The following CAMK2D variants were observed in gnomAD, a reference collection of about 807,000 sequenced individuals.
CAMK2D encodes the protein calcium/calmodulin-dependent protein kinase type II subunit delta.
CAMK2D carries 37 observed loss-of-function variants against 84.0 expected under a neutral mutation model. That is an observed-to-expected ratio of 0.44 (90% confidence interval 0.34 to 0.58). The LOEUF (loss-of-function observed/expected upper bound fraction) is 0.58, where lower values mean the gene tolerates loss of function less well. Among genes scored for constraint, CAMK2D ranks in the 20% least tolerant of loss-of-function variants. CAMK2D has a pLI of 0.02. For missense variants in CAMK2D, 448 were observed against 652.5 expected, an observed-to-expected ratio of 0.69 and a Z score of 3.41; for synonymous variants, 202 against 212.5, an observed-to-expected ratio of 0.95 and a Z score of 0.43.
At chr4:113,604,143 G>A (rs1365208531) in intron 4 of CAMK2D, among the ~76,000 whole-genome samples, 4 of 151,914 alleles carry the variant, frequency 2.6e-5, no homozygotes, top group Non-Finnish European at 5.9e-5. Flanking sequence ...ATCAAAAGGA[G>A]GAACACAAGG....
chr4:113,709,353 A>C (rs566848016), intron 2 of CAMK2D, among the ~76,000 whole-genome samples: 2 of 152,232 alleles, frequency 1.3e-5, no homozygotes, highest in South Asian at 4.2e-4. Flanking sequence ...AAATATATTA[A>C]TATTCACTGA....
Position 113,524,630 on chromosome 4 carries a change from T to A in CAMK2D, c.601+6586A>T, listed in dbSNP as rs191571623. Among the ~76,000 whole-genome samples, 250 of 152,306 alleles carry A rather than the reference T, an allele frequency of 1.6e-3. 2 individuals carry two copies. The highest frequency in any genetic ancestry group is 5.8e-3 in the African/African-American group (239 of 41,558). ...TGTACACATATTTCTTCAAGGTGCT[T>A]CTTTCAATTCTTTTGGATATATAAC... On this transcript the variant is annotated intron_variant, in intron 8 of 20. Coordinates refer to ENST00000511664, the MANE Select transcript of CAMK2D (RefSeq NM_001321571.2).
chr4:113,517,670 A>G lies in CAMK2D; in HGVS notation c.602-13T>C. 1 of 1,266,308 alleles carries G rather than the reference A, an allele frequency of 7.9e-7. No homozygotes were observed. Among genetic ancestry groups the G allele is most frequent in the Non-Finnish European group, 1.2e-6 (1 of 867,398 alleles). The allele number at this position is 1,266,308 out of a possible 1,614,324, so 78.4% of individuals were successfully genotyped here. ...TAGAGAATGACACCTGGAGGAGAAT[A>G]TAATGTTAACACAATTTAAGTCATA... is the stretch of plus-strand genomic sequence containing the variant. On this transcript the variant is annotated splice_polypyrimidine_tract_variant and intron_variant, in intron 8 of 20. Coordinates refer to ENST00000511664, the MANE Select transcript of CAMK2D (RefSeq NM_001321571.2).
intron 6 of CAMK2D, among the ~76,000 whole-genome samples, chr4:113,543,374 T>C (rs2098544128): frequency 7.4e-6 from 1 of 134,600 alleles, no homozygotes; most frequent in Non-Finnish European, 1.5e-5. Context: ...CACATATGTA[T>C]ATATATTGAT....
At chr4:113,617,339 T>C (rs1561385589) in intron 3 of CAMK2D, among the ~76,000 whole-genome samples, 1 of 152,050 alleles carries the variant, frequency 6.6e-6, no homozygotes, top group Non-Finnish European at 1.5e-5. Flanking sequence ...CACCCATGCC[T>C]GTAGTCCTAG....
chr4:113,719,423 A>G (rs892736796), intron 2 of CAMK2D, among the ~76,000 whole-genome samples: 46 of 152,212 alleles, frequency 3.0e-4, no homozygotes, highest in African/African-American at 1.1e-3. Context: ...GCTATCTTAT[A>G]AAAACTGACC....
At chr4:113,560,211 G>A (rs2098691718) in intron 4 of CAMK2D, among the ~76,000 whole-genome samples, 1 of 151,626 alleles carries the variant, frequency 6.6e-6, no homozygotes, top group Non-Finnish European at 1.5e-5. Flanking sequence ...TCCAGTGAGC[G>A]ACTCATTTGT....
chr4:113,752,909 A>G (rs1208250659), intron 2 of CAMK2D, among the ~76,000 whole-genome samples: 1 of 152,124 alleles, frequency 6.6e-6, no homozygotes, highest in East Asian at 1.9e-4. Flanking sequence ...TCAATCCCCC[A>G]CACTGCAATG....
rs34393843 is a variant in CAMK2D at position 113,477,745 on chromosome 4, CA to C, written c.1136-12142del. 9.6e-4 allele frequency among the ~76,000 whole-genome samples: 113 copies of C among 117,262 alleles called. 1 individual carries two copies. The highest frequency in any genetic ancestry group is 1.4e-3 in the South Asian group (5 of 3,554). 76.9% of individuals were successfully genotyped at this position (117,262 alleles called of 152,430 possible). Reference sequence around the variant, plus strand: ...TGGGCAACAGAGTGAGACTCTGTCTCAAAAAAAAAAAAAAAAGAATATTGGG... The same window carrying C: ...TGGGCAACAGAGTGAGACTCTGTCTCAAAAAAAAAAAAAAAGAATATTGGG... On this transcript the variant is annotated intron_variant, in intron 16 of 20. Coordinates refer to ENST00000511664, the MANE Select transcript of CAMK2D (RefSeq NM_001321571.2).
intron 4 of CAMK2D, among the ~76,000 whole-genome samples, chr4:113,562,503 A>C (rs776929535): frequency 6.6e-6 from 1 of 152,220 alleles, no homozygotes; most frequent in Non-Finnish European, 1.5e-5. Flanking sequence ...GAGACAGCTT[A>C]TCATCTGTCA....
intron 8 of CAMK2D, among the ~76,000 whole-genome samples, chr4:113,523,307 G>C (rs2098385234): frequency 6.6e-6 from 1 of 152,054 alleles, no homozygotes; most frequent in Non-Finnish European, 1.5e-5. Flanking sequence ...AGCTGTGGTA[G>C]TATTGCTTAG....
At chr4:113,474,497 C>T (rs1387597226) in intron 16 of CAMK2D, among the ~76,000 whole-genome samples, 5 of 111,352 alleles carry the variant, frequency 4.5e-5, no homozygotes, top group African/African-American at 2.0e-4. Context: ...TCCTTTTTGG[C>T]CTTTTTTTTT....
At chr4:113,537,112 T>A (rs375251523) in intron 7 of CAMK2D, among the ~76,000 whole-genome samples, 1 of 152,206 alleles carries the variant, frequency 6.6e-6, no homozygotes, top group Non-Finnish European at 1.5e-5. Context: ...AAGAAAAAAG[T>A]GTATGTCTTC....
chr4:113,624,858 CA>C (rs1592125892), intron 3 of CAMK2D, among the ~76,000 whole-genome samples: 1 of 152,134 alleles, frequency 6.6e-6, no homozygotes, highest in East Asian at 1.9e-4. Context: ...CTATAATCAA[CA>C]AATAGGCACC....
chr4:113,589,361 C>G (rs1465100721), intron 4 of CAMK2D, among the ~76,000 whole-genome samples: 1 of 152,030 alleles, frequency 6.6e-6, no homozygotes, highest in Non-Finnish European at 1.5e-5. Context: ...TATTCAAGTT[C>G]TGACAGATTC....
chr4:113,675,783 T>C (rs1264026430), intron 2 of CAMK2D, among the ~76,000 whole-genome samples: 1 of 152,234 alleles, frequency 6.6e-6, no homozygotes, highest in African/African-American at 2.4e-5. Flanking sequence ...ACACCTTCCA[T>C]CTAATAGAGC....
At chr4:113,550,519 T>C (rs1481121915) in intron 5 of CAMK2D, among the ~76,000 whole-genome samples, 1 of 152,246 alleles carries the variant, frequency 6.6e-6, no homozygotes, top group African/African-American at 2.4e-5. Context: ...TCCTTCTCTT[T>C]GATTTTATCG....
At chr4:113,558,533 T>C (rs2098681181) in intron 4 of CAMK2D, among the ~76,000 whole-genome samples, 1 of 148,784 alleles carries the variant, frequency 6.7e-6, no homozygotes, top group African/African-American at 2.6e-5. Flanking sequence ...GCATAGGTTA[T>C]AGGCAAATAC....
chr4:113,459,857 C>A (rs2097351418), intron 18 of CAMK2D, among the ~76,000 whole-genome samples: 1 of 152,012 alleles, frequency 6.6e-6, no homozygotes, highest in Admixed American at 6.6e-5. Flanking sequence ...AACTCCTGAC[C>A]TCAAGTGATC....
Sources: gnomAD v4.1 joint callset for allele counts (sites outside exome capture counted in the v4.1 genomes callset) on GRCh38, gnomAD v4.1.1 for gene constraint, MANE v1.5 for transcripts, NCBI Gene and HGNC (gene_info 2026-07-23, HGNC 2026-07-21) for gene names.